The following BTBD9 variants were observed in gnomAD, a reference collection of about 807,000 sequenced individuals.
BTBD9 encodes the protein BTB/POZ domain-containing protein 9.
Under a neutral mutation model 64.3 loss-of-function variants are expected in BTBD9, and 49 were observed. The ratio of observed to expected loss-of-function variants is 0.76; its 90% confidence interval spans 0.61 to 0.97. BTBD9 has a LOEUF of 0.97. Among genes scored for constraint, BTBD9 ranks in the 50% least tolerant of loss-of-function variants. BTBD9 has a pLI of 0.00. For missense variants in BTBD9, 598 were observed against 762.1 expected, an observed-to-expected ratio of 0.78 and a Z score of 2.53; for synonymous variants, 260 against 274.7, an observed-to-expected ratio of 0.95 and a Z score of 0.53.
intron 6 of BTBD9, among the ~76,000 whole-genome samples, chr6:38,409,742 T>C (rs1767327627): frequency 6.6e-6 from 1 of 152,054 alleles, no homozygotes; most frequent in African/African-American, 2.4e-5. Flanking sequence ...GAGAATCTCT[T>C]GAACCCAGGA....
chr6:38,619,848 G>A (rs569753876), intron 1 of BTBD9, among the ~76,000 whole-genome samples: 1 of 152,264 alleles, frequency 6.6e-6, no homozygotes, highest in East Asian at 1.9e-4. Flanking sequence ...CTTTTCACAT[G>A]CCTTTCTTGT....
chr6:38,565,302 C>T (rs1448036423), intron 6 of BTBD9, among the ~76,000 whole-genome samples: 2 of 152,122 alleles, frequency 1.3e-5, no homozygotes, highest in African/African-American at 2.4e-5. Flanking sequence ...AGGGAGATGT[C>T]CTGTGCATTG....
chr6:38,392,591 A>C (rs1254584998), intron 6 of BTBD9, among the ~76,000 whole-genome samples: 2 of 152,210 alleles, frequency 1.3e-5, no homozygotes, highest in African/African-American at 4.8e-5. Flanking sequence ...TGAAGGAGCT[A>C]ATTTTATCCT....
chr6:38,434,511 T>C (rs1768619145), intron 6 of BTBD9, among the ~76,000 whole-genome samples: 1 of 151,940 alleles, frequency 6.6e-6, no homozygotes, highest in South Asian at 2.1e-4. Flanking sequence ...TTAAATGTAT[T>C]TGATTGATGT....
chr6:38,228,344 C>CG (rs1763474271), intron 9 of BTBD9, among the ~76,000 whole-genome samples: 1 of 66,376 alleles, frequency 1.5e-5, no homozygotes, highest in African/African-American at 5.1e-5. Flanking sequence ...GACCCTGTCC[C>CG]CCCCCCCAAA....
At chr6:38,581,843 T>C (rs1776296098) in intron 4 of BTBD9, among the ~76,000 whole-genome samples, 1 of 152,212 alleles carries the variant, frequency 6.6e-6, no homozygotes, top group Non-Finnish European at 1.5e-5. Flanking sequence ...GCTCTACTCA[T>C]ATATACATAT....
intron 6 of BTBD9, among the ~76,000 whole-genome samples, chr6:38,574,870 A>T (rs931805937): frequency 6.6e-6 from 1 of 152,178 alleles, no homozygotes; most frequent in African/African-American, 2.4e-5. Flanking sequence ...TGTTTTAAAC[A>T]AGAATTTGAG....
intron 6 of BTBD9, among the ~76,000 whole-genome samples, chr6:38,444,531 G>C (rs146554266): frequency 6.6e-6 from 1 of 152,132 alleles, no homozygotes; most frequent in Non-Finnish European, 1.5e-5. Flanking sequence ...CTACGGCCTA[G>C]TGATTACGAG....
At chr6:38,250,399 C>A (rs1183147126) in intron 9 of BTBD9, among the ~76,000 whole-genome samples, 1 of 152,174 alleles carries the variant, frequency 6.6e-6, no homozygotes, top group Non-Finnish European at 1.5e-5. Flanking sequence ...TGGAATAATT[C>A]TGAGCACTTG....
intron 5 of BTBD9, 104 bp from the exon 6 acceptor site, chr6:38,577,823 C>T: frequency 4.0e-6 from 4 of 1,004,716 alleles, no homozygotes; most frequent in Non-Finnish European, 5.8e-6. Context: ...ACAGAATTCA[C>T]TAATTACATT....
intron 6 of BTBD9, among the ~76,000 whole-genome samples, chr6:38,557,557 C>T (rs1394663020): frequency 5.3e-5 from 8 of 152,164 alleles, no homozygotes; most frequent in Admixed American, 5.2e-4. Context: ...AAATTGTGGG[C>T]CTTACCTATG....
chr6:38,488,173 C>T (rs1771543471), intron 6 of BTBD9, among the ~76,000 whole-genome samples: 1 of 151,812 alleles, frequency 6.6e-6, no homozygotes, highest in Non-Finnish European at 1.5e-5. Context: ...CTGGTCTTAA[C>T]CTCCTGGCTT....
intron 7 of BTBD9, among the ~76,000 whole-genome samples, chr6:38,290,798 T>A (rs1761927449): frequency 6.6e-6 from 1 of 152,204 alleles, no homozygotes. Flanking sequence ...CCCTGCTGTG[T>A]GCCTGGGAAA....
At chr6:38,609,414 TTCC>T (rs1777538083) in intron 1 of BTBD9, among the ~76,000 whole-genome samples, 1 of 152,172 alleles carries the variant, frequency 6.6e-6, no homozygotes, top group African/African-American at 2.4e-5. Flanking sequence ...CTCTAGACTT[TTCC>T]TATAAAACTA....
chr6:38,304,021 T>A (rs115353483), intron 7 of BTBD9, among the ~76,000 whole-genome samples: 2,448 of 150,544 alleles, frequency 0.016, 29 homozygotes, highest in Middle Eastern at 0.042. Flanking sequence ...TAATTATTCA[T>A]TAATGTTTAT....
chr6:38,384,758 G>C (rs776150743), intron 6 of BTBD9, among the ~76,000 whole-genome samples: 3 of 152,100 alleles, frequency 2.0e-5, no homozygotes, highest in Non-Finnish European at 4.4e-5. Flanking sequence ...CAGGGTAAAA[G>C]GCCTCTAGGG....
At chr6:38,517,790 A>C (rs763211603) in intron 6 of BTBD9, among the ~76,000 whole-genome samples, 3 of 152,194 alleles carry the variant, frequency 2.0e-5, no homozygotes, top group Non-Finnish European at 4.4e-5. Context: ...AGCAAAAGCT[A>C]GCTGGCTCTA....
chr6:38,529,622 T>C (rs1582583993), intron 6 of BTBD9, among the ~76,000 whole-genome samples: 1 of 152,330 alleles, frequency 6.6e-6, no homozygotes, highest in East Asian at 1.9e-4. Flanking sequence ...AGGGACTGGC[T>C]GGAGCCTCGG....
intron 6 of BTBD9, among the ~76,000 whole-genome samples, chr6:38,353,698 G>A (rs981624340): frequency 6.6e-6 from 1 of 152,126 alleles, no homozygotes. Flanking sequence ...AATTTCACTA[G>A]TTTTATCTTC....
Sources: allele counts gnomAD v4.1 joint callset (sites outside exome capture counted in the v4.1 genomes callset), GRCh38; gene constraint gnomAD v4.1.1; transcripts MANE v1.5; gene names NCBI Gene and HGNC (gene_info 2026-07-23, HGNC 2026-07-21).